The following FMNL2 variants were observed in gnomAD, a reference collection of about 807,000 sequenced individuals.
FMNL2 encodes formin like 2.
A neutral mutation model predicts 130.2 loss-of-function variants in FMNL2; 51 were observed. The observed-to-expected ratio is 0.39, with a 90% CI of 0.31 to 0.49. FMNL2 has a LOEUF of 0.49. Among genes scored for constraint, FMNL2 ranks in the 20% least tolerant of loss-of-function variants. FMNL2 has a pLI of 0.85. For missense variants in FMNL2, 977 were observed against 1,316.2 expected (o/e 0.74, Z 3.99); for synonymous variants, 465 against 467.1 (o/e 1.00, Z 0.06).
chr2:152,643,314 C>CAT, intron 25 of FMNL2: 2 of 1,471,314 alleles, frequency 1.4e-6, no homozygotes, highest in Non-Finnish European at 1.8e-6. Flanking sequence ...TCCCCACCCC[C>CAT]ATCCCCAGGT....
chr2:152,599,200 C>G (rs888195719), intron 9 of FMNL2, among the ~76,000 whole-genome samples: 1 of 152,204 alleles, frequency 6.6e-6, no homozygotes, highest in African/African-American at 2.4e-5. Context: ...TTGGACATCA[C>G]TTCACCGTCT....
chr2:152,524,624 A>C (rs1693282854), intron 2 of FMNL2, among the ~76,000 whole-genome samples: 1 of 152,198 alleles, frequency 6.6e-6, no homozygotes, highest in Non-Finnish European at 1.5e-5. Context: ...GATAACTGCA[A>C]ATAAAACCCC....
At chr2:152,643,469 T>C (rs1235087723) in intron 25 of FMNL2, 1 of 1,536,142 alleles carries the variant, frequency 6.5e-7, no homozygotes, top group Admixed American at 2.0e-5. Context: ...TGGCTCTCGG[T>C]TTTTCTGCGA....
intron 1 of FMNL2, among the ~76,000 whole-genome samples, chr2:152,488,068 C>A (rs1049569052): frequency 2.0e-5 from 3 of 152,226 alleles, no homozygotes; most frequent in Admixed American, 1.3e-4. Context: ...GTGTGAGCCA[C>A]AACGCCTGGC....
At chr2:152,340,523 C>G (rs548601829) in intron 1 of FMNL2, among the ~76,000 whole-genome samples, 3 of 152,288 alleles carry the variant, frequency 2.0e-5, no homozygotes, top group African/African-American at 7.2e-5. Context: ...AAAAATTGAT[C>G]TGGTCCAAAA....
Position 152,561,026 on chromosome 2 carries a change from C to A in FMNL2, c.587C>A (p.Ser196Tyr). The change falls in exon 6 of 26, where the codon TCT (serine) becomes TAT (tyrosine). Residue 196 changes from serine (S) to tyrosine (Y), a missense_variant. Ser to Tyr is a moderately radical substitution (Grantham distance 144). Around this residue, in one of 4 missense-constraint regions of FMNL2, gnomAD observed 689 missense variants for 995.9 expected, o/e 0.69. Transcript: ENST00000288670. ...AGTGTCTCCCGCTCTGGAAGACATT[C>A]TGCACTGCGGTGAGTTCGTTTAATC... ...GNSVSRSGRH[S>Y]ALRYNTLPSR... 1 of 1,596,994 alleles carries A rather than the reference C, an allele frequency of 6.3e-7. No individual in the cohort carries two copies.
chr2:152,483,220 A>G (rs909842484), intron 1 of FMNL2, among the ~76,000 whole-genome samples: 3 of 152,134 alleles, frequency 2.0e-5, no homozygotes, highest in Admixed American at 2.0e-4. Flanking sequence ...GTGGCTGAAA[A>G]TTGGAAGCTT....
At chr2:152,546,545 A>G (rs1382079561) in intron 3 of FMNL2, among the ~76,000 whole-genome samples, 1 of 152,106 alleles carries the variant, frequency 6.6e-6, no homozygotes, top group Non-Finnish European at 1.5e-5. Context: ...TGGAGGTCCT[A>G]TTTCAACGTG....
chr2:152,642,778 C>T (rs1288944252), intron 25 of FMNL2, among the ~76,000 whole-genome samples: 9 of 152,158 alleles, frequency 5.9e-5, no homozygotes, highest in African/African-American at 2.2e-4. Flanking sequence ...GAGGGTGAGG[C>T]AGGTGGATCA....
At chr2:152,478,246 A>T (rs1292376463) in intron 1 of FMNL2, among the ~76,000 whole-genome samples, 1,047 of 67,526 alleles carry the variant, frequency 0.016, 4 homozygotes, top group African/African-American at 0.02. Context: ...ATATATATAT[A>T]TATATTTTTT....
Position 152,619,643 on chromosome 2 carries a change from G to T in FMNL2, c.1762G>T (p.Ala588Ser), listed in dbSNP as rs201653511. 1.9e-4 allele frequency: 274 copies of T among 1,417,646 alleles called. No homozygotes were observed. Among genetic ancestry groups the T allele is most frequent in the Admixed American group, 4.8e-4 (25 of 52,230 alleles). 87.8% of individuals were successfully genotyped at this position (1,417,646 alleles called of 1,614,324 possible). A position where few individuals can be genotyped will look rare whatever the true frequency, so the allele number is the denominator to read the frequency against. ...TGAGACTGTACCAGCTCCTCCCTTA[G>T]CACCTCCCCTTCCCTCTGCACCTCC... is the stretch of plus-strand genomic sequence containing the variant. ...AAETVPAPPL[A>S]PPLPSAPPLP... The change falls in exon 15 of 26, where the codon GCA becomes TCA. Residue 588 changes from alanine to serine, a missense_variant. Ala to Ser is a moderately conservative substitution (Grantham distance 99). Around this residue, in one of 4 missense-constraint regions of FMNL2, gnomAD observed 689 missense variants for 995.9 expected, o/e 0.69. Transcript: ENST00000288670.
chr2:152,526,389 T>G (rs1693386005), intron 2 of FMNL2, among the ~76,000 whole-genome samples: 1 of 152,124 alleles, frequency 6.6e-6, no homozygotes, highest in South Asian at 2.1e-4. Context: ...CCCTGGCCCT[T>G]TCCCTCCTTT....
chr2:152,393,399 A>G (rs552339286), intron 1 of FMNL2, among the ~76,000 whole-genome samples: 10 of 152,322 alleles, frequency 6.6e-5, no homozygotes, highest in Admixed American at 2.6e-4. Context: ...AAACTTGCCT[A>G]TATTTGAGAT....
chr2:152,458,153 G>C (rs1046303513), intron 1 of FMNL2, among the ~76,000 whole-genome samples: 7 of 152,202 alleles, frequency 4.6e-5, no homozygotes, highest in Non-Finnish European at 1.0e-4. Context: ...AAAGAAGGGG[G>C]GCTTGGCCCT....
intron 1 of FMNL2, among the ~76,000 whole-genome samples, chr2:152,470,814 T>TG (rs1689819724): frequency 3.3e-5 from 5 of 152,214 alleles, no homozygotes; most frequent in African/African-American, 1.2e-4. Context: ...ATGAGAGACC[T>TG]AAGAGCTCAG....
intron 1 of FMNL2, among the ~76,000 whole-genome samples, chr2:152,381,257 G>A (rs571156865): frequency 1.5e-3 from 225 of 152,282 alleles, no homozygotes; most frequent in Admixed American, 2.7e-3. Context: ...CTGAGAGGTC[G>A]AAATTATGAG....
chr2:152,586,549 A>G (rs1697085927), intron 9 of FMNL2, among the ~76,000 whole-genome samples: 1 of 152,188 alleles, frequency 6.6e-6, no homozygotes, highest in South Asian at 2.1e-4. Context: ...GCATGAGACC[A>G]TCCAGATAAC....
intron 9 of FMNL2, among the ~76,000 whole-genome samples, chr2:152,595,409 C>T (rs1337274481): frequency 2.0e-5 from 3 of 152,182 alleles, no homozygotes; most frequent in Non-Finnish European, 4.4e-5. Flanking sequence ...CAACCTCCAC[C>T]TCCCGAGTTC....
intron 1 of FMNL2, among the ~76,000 whole-genome samples, chr2:152,471,067 G>A (rs1689833774): frequency 6.6e-6 from 1 of 151,940 alleles, no homozygotes; most frequent in African/African-American, 2.4e-5. Flanking sequence ...CTTCACATAA[G>A]AGACCTCCCT....
Sources: gnomAD v4.1 joint callset for allele counts (sites outside exome capture counted in the v4.1 genomes callset) on GRCh38, gnomAD v4.1.1 for gene constraint, gnomAD v4.1.1 regional missense constraint, MANE v1.5 for transcripts, NCBI Gene and HGNC (gene_info 2026-07-23, HGNC 2026-07-21) for gene names.